ZNF554: variants seen among roughly 807,000 people sequenced by gnomAD.
ZNF554 encodes zinc finger protein 554.
Under a neutral mutation model 21.2 loss-of-function variants are expected in ZNF554, and 15 were observed. The observed-to-expected ratio is 0.71, with a 90% confidence interval of 0.47 to 1.09. The LOEUF (loss-of-function observed/expected upper bound fraction) is 1.09. ZNF554 is among the 50% of genes least tolerant of loss of function. ZNF554 has a pLI of 0.00. For missense variants in ZNF554, 691 were observed against 662.7 expected (o/e 1.04, Z -0.47); for synonymous variants, 258 against 251.4 (o/e 1.03, Z -0.25).
chr19:2,827,579 AT>A (rs2087352208), intron 2 of ZNF554, 37 bp from the exon 3 acceptor site: 2 of 1,591,912 alleles, frequency 1.3e-6, no homozygotes, highest in Non-Finnish European at 1.7e-6. Context: ...GTGGGTGGCG[AT>A]GGACCCATCT....
chr19:2,830,299 G>A (rs970394880), intron 3 of ZNF554, among the ~76,000 whole-genome samples: 4 of 152,164 alleles, frequency 2.6e-5, no homozygotes, highest in Non-Finnish European at 5.9e-5. Context: ...TTCACTGGGT[G>A]TGATGTTTTC....
chr19:2,834,447 G>C lies in ZNF554; in HGVS notation c.1212G>C (p.Gly404=), dbSNP rs2087469752. The C allele has an allele frequency of 1.2e-6, 2 of 1,613,740 alleles. No individual in the cohort carries two copies. The highest frequency in any genetic ancestry group is 1.7e-6 in the Non-Finnish European group (2 of 1,179,996). The change falls in exon 5 of 5, where the codon GGG becomes GGC. Residue 404 remains glycine (G), a synonymous_variant. Coordinates refer to ENST00000317243, the MANE Select transcript of ZNF554 (RefSeq NM_001102651.2). Reference sequence around the variant, plus strand: ...CTCAGCATCAGAGGATTCACACCGGGGAAAAGCCCTATAAATGTGAAGACT... The same window carrying C: ...CTCAGCATCAGAGGATTCACACCGGCGAAAAGCCCTATAAATGTGAAGACT... ...SLTQHQRIHT[G]EKPYKCEDCG...
chr19:2,829,223 G>A (rs1049163205), intron 3 of ZNF554, among the ~76,000 whole-genome samples: 2 of 152,104 alleles, frequency 1.3e-5, no homozygotes, highest in Non-Finnish European at 2.9e-5. Flanking sequence ...GCTGGGCATG[G>A]TGATAGACGT....
chr19:2,831,014 C>T (rs2087409008), intron 3 of ZNF554: 1 of 152,210 alleles, frequency 6.6e-6, no homozygotes. Flanking sequence ...GATCCACCTA[C>T]TTCCGCTTCC....
chr19:2,821,134 G>T lies in ZNF554; in HGVS notation c.53+1010G>T, dbSNP rs1045689084. Among the ~76,000 whole-genome samples, 2 of 151,034 alleles carry T rather than the reference G, an allele frequency of 1.3e-5. No homozygotes were observed. The highest frequency in any genetic ancestry group is 4.9e-5 in the African/African-American group (2 of 40,772). On this transcript the variant is annotated intron_variant, in intron 1 of 4. Coordinates refer to ENST00000317243, the MANE Select transcript of ZNF554 (RefSeq NM_001102651.2). The surrounding 1 kb of genome is among the most constrained non-coding windows in gnomAD (Gnocchi z 8.2). ...TGAGACAGTCTCGCCCTATTGCCCAGGCTGGAGTGCAGTTGCACGATCTCG... is the reference window on the plus strand; with the variant it reads ...TGAGACAGTCTCGCCCTATTGCCCATGCTGGAGTGCAGTTGCACGATCTCG...
chr19:2,822,063 C>T (rs1021883841), intron 1 of ZNF554, among the ~76,000 whole-genome samples: 6 of 151,570 alleles, frequency 4.0e-5, no homozygotes, highest in African/African-American at 1.5e-4. Context: ...CTTATCTTTT[C>T]TTTTTGAGAT....
In ZNF554 at chr19:2,835,750, A is replaced by C. The variant is rs1006185866; in HGVS notation, c.*898A>C. ...CACGTGTTAATTTAGTTGCTTAAAC[A>C]AAAGGTGTTCTGTTTCTTAACTACT... On this transcript the variant is annotated 3_prime_UTR_variant, in exon 5 of 5. Transcript: ENST00000317243. 6.6e-6 allele frequency: 1 copy of C among 152,244 alleles called. No individual in the cohort carries two copies. The highest frequency in any genetic ancestry group is 2.4e-5 in the African/African-American group (1 of 41,466). 9.4% of individuals were successfully genotyped at this position (152,244 alleles called of 1,614,324 possible).
rs559421297 is a variant in ZNF554 at position 2,834,258 on chromosome 19, A to G, written c.1023A>G (p.Glu341=). 4 of 1,614,110 alleles carry G rather than the reference A, an allele frequency of 2.5e-6. No individual in the cohort carries two copies. In the South Asian group the frequency reaches 4.4e-5, roughly 18 times the overall value. Residue 341 remains glutamate (E), a synonymous_variant, in exon 5 of 5, where the codon GAA becomes GAG. Transcript: ENST00000317243. ...KVFNRRHSLS[E]HQRIHTGEKP... The stretch of plus-strand genomic sequence containing the variant: ...TCAACCGGAGGCATTCTTTGAGCGA[A>G]CATCAAAGAATTCACACGGGGGAGA...
chr19:2,820,796 C>G (rs989391512), intron 1 of ZNF554, among the ~76,000 whole-genome samples: 6 of 150,410 alleles, frequency 4.0e-5, no homozygotes, highest in Non-Finnish European at 8.8e-5. Flanking sequence ...TCCCAAGTAG[C>G]TGGGATTACA....
At chr19:2,832,228 G>A (rs770396271) in intron 3 of ZNF554, 75 bp from the exon 4 acceptor site, 256 of 1,440,756 alleles carry the variant, frequency 1.8e-4, no homozygotes, top group Non-Finnish European at 2.1e-4. Context: ...GCCTGGCACA[G>A]ATCTGTAATT....
At chr19:2,820,826 G>A (rs372917300) in intron 1 of ZNF554, among the ~76,000 whole-genome samples, 2 of 150,752 alleles carry the variant, frequency 1.3e-5, no homozygotes, top group African/African-American at 4.9e-5. Flanking sequence ...CACCACGCCC[G>A]GCTAATTTTT....
At chr19:2,832,524 G>A in intron 4 of ZNF554, 30 bp downstream of exon 4, 1 of 1,557,578 alleles carries the variant, frequency 6.4e-7, no homozygotes, top group Non-Finnish European at 8.7e-7. Context: ...AAACCATTGG[G>A]ATGGCAGTGG....
Position 2,836,662 on chromosome 19 carries a change from C to T in ZNF554, c.*1810C>T, listed in dbSNP as rs1029845. ...TTTCTGCCGTTTCATTTTGTATTGC[C>T]ATAATCATTTTGACAATGAATACAA... is the stretch of plus-strand genomic sequence containing the variant. On this transcript the variant is annotated 3_prime_UTR_variant, in exon 5 of 5. Coordinates refer to ENST00000317243, the MANE Select transcript of ZNF554 (RefSeq NM_001102651.2). Among the ~76,000 whole-genome samples the T allele has an allele frequency of 0.69, 104,390 of 152,088 alleles. 36,831 individuals carry two copies. The highest frequency in any genetic ancestry group is 1 in the East Asian group (5,180 of 5,186).
At chr19:2,827,070 C>A (rs1275374701) in intron 2 of ZNF554, among the ~76,000 whole-genome samples, 1 of 152,164 alleles carries the variant, frequency 6.6e-6, no homozygotes, top group Non-Finnish European at 1.5e-5. Context: ...AGGTCCTGTT[C>A]CATCCTGCTT....
rs938178416 is a variant in ZNF554, at chr19:2,834,792, C to T, written c.1557C>T (p.Thr519=). 6.2e-7 allele frequency: 1 copy of T among 1,611,562 alleles called. No homozygotes were observed. ...AGAAAACTCACAGCAGCCAGAAAAC[C>T]TATAAAATCATTGACTGTGGGAAAG... ...THQKTHSSQK[T]YKIIDCGKAF... The change falls in exon 5 of 5, where the codon ACC becomes ACT. Residue 519 remains threonine, a synonymous_variant. Coordinates refer to ENST00000317243, the MANE Select transcript of ZNF554 (RefSeq NM_001102651.2).
chr19:2,832,264 TCTTGTGCTAC>T (rs1357878377), intron 3 of ZNF554, 29 bp from the exon 4 acceptor site: 1 of 1,513,830 alleles, frequency 6.6e-7, no homozygotes, highest in East Asian at 2.3e-5. Context: ...AAAATCATTA[TCTTGTGCTAC>T]CTCTCAAGTA....
intron 3 of ZNF554, among the ~76,000 whole-genome samples, chr19:2,829,734 T>C (rs1366645459): frequency 6.6e-6 from 1 of 152,180 alleles, no homozygotes; most frequent in Non-Finnish European, 1.5e-5. Context: ...TTCACCCCTT[T>C]TAAGTGTGCA....
At chr19:2,833,570 G>T in intron 4 of ZNF554, 111 bp from the exon 5 acceptor site, 1 of 869,564 alleles carries the variant, frequency 1.2e-6, no homozygotes, top group Non-Finnish European at 1.7e-6. Flanking sequence ...GTTGATATTT[G>T]AACATCAGTC....
At chr19:2,823,334 G>A (rs1000127411) in intron 2 of ZNF554, among the ~76,000 whole-genome samples, 2 of 148,758 alleles carry the variant, frequency 1.3e-5, no homozygotes, top group African/African-American at 4.8e-5. Flanking sequence ...ACAGTATTAC[G>A]GGATCCCTGG....
Sources: allele counts gnomAD v4.1 joint callset (sites outside exome capture counted in the v4.1 genomes callset), GRCh38; gene constraint gnomAD v4.1.1; non-coding constraint Gnocchi (gnomAD v3.1); transcripts MANE v1.5; gene names NCBI Gene and HGNC (gene_info 2026-07-23, HGNC 2026-07-21).